GIT2: variants seen among roughly 807,000 people sequenced by gnomAD.
The protein encoded by GIT2 is GIT ArfGAP 2.
In GIT2, 32 loss-of-function variants were observed where a neutral mutation model predicts 100.3. The observed-to-expected ratio is 0.32, with a 90% CI of 0.24 to 0.43. The LOEUF (loss-of-function observed/expected upper bound fraction) is 0.43. Ranked by LOEUF, GIT2 falls within the 20% of genes least tolerant of loss-of-function variation. GIT2 has a pLI of 1.00. For synonymous variants in GIT2, 353 were observed against 364.1 expected (o/e 0.97, Z 0.35); for missense variants, 737 against 975.1 (o/e 0.76, Z 3.25).
intron 12 of GIT2, chr12:109,954,307 A>AG (rs1171070514): frequency 6.6e-6 from 1 of 152,224 alleles, no homozygotes; most frequent in East Asian, 1.9e-4. Flanking sequence ...CAAAAAAAAA[A>AG]AAAAGAATAG....
chr12:109,955,643 G>A lies in GIT2; in HGVS notation c.1100-2409C>T, dbSNP rs143242751. 2.4e-3 allele frequency among the ~76,000 whole-genome samples: 359 copies of A among 152,266 alleles called. 1 individual carries two copies. The highest frequency in any genetic ancestry group is 8.4e-3 in the African/African-American group (347 of 41,542). ...ATGCTTATTTAACACACATTTCTCCGTAGGGCACATCACAGCCTTCTTGCA... is the reference window on the plus strand; with the variant it reads ...ATGCTTATTTAACACACATTTCTCCATAGGGCACATCACAGCCTTCTTGCA... On this transcript the variant is annotated intron_variant, in intron 12 of 19. Coordinates refer to ENST00000355312, the MANE Select transcript of GIT2 (RefSeq NM_057169.5).
rs1872173593 is a variant in GIT2, at chr12:109,933,689, C to A, written c.2067+333G>T. The stretch of plus-strand genomic sequence containing the variant: ...CGATCTTGACTCACTGCAACCTCCG[C>A]CTCCTGGGTTCAAGCGATTCTCCTG... On this transcript the variant is annotated intron_variant, in intron 19 of 19. Coordinates refer to ENST00000355312, the MANE Select transcript of GIT2 (RefSeq NM_057169.5). The surrounding 1 kb of genome is among the most constrained non-coding windows in gnomAD (Gnocchi z 4.5). 1 of 259,272 alleles carries A rather than the reference C, an allele frequency of 3.9e-6. No individual in the cohort carries two copies. The highest frequency in any genetic ancestry group is 7.5e-6 in the Non-Finnish European group (1 of 133,176). 16.1% of individuals were successfully genotyped at this position (259,272 alleles called of 1,614,324 possible).
intron 12 of GIT2, 85 bp from the exon 13 acceptor site, chr12:109,953,319 GC>G: frequency 7.1e-7 from 1 of 1,401,584 alleles, no homozygotes. Context: ...TTTTGGTTTA[GC>G]CATTTAAAGG....
chr12:109,935,793 C>T (rs1872801683), intron 18 of GIT2, among the ~76,000 whole-genome samples: 1 of 152,110 alleles, frequency 6.6e-6, no homozygotes, highest in African/African-American at 2.4e-5. Context: ...TTTCCTAAGG[C>T]CATCTCTCAA....
intron 7 of GIT2, among the ~76,000 whole-genome samples, chr12:109,975,710 G>C (rs1002426427): frequency 1.3e-5 from 2 of 149,502 alleles, no homozygotes; most frequent in African/African-American, 2.5e-5. Context: ...GATGATTTGA[G>C]TAATTTTTAA....
chr12:109,944,372 C>T (rs1875684005), intron 16 of GIT2, among the ~76,000 whole-genome samples: 3 of 152,290 alleles, frequency 2.0e-5, no homozygotes, highest in South Asian at 2.1e-4. Context: ...TTACATTACC[C>T]TTCCATTAAA....
rs75075137 is a variant in GIT2 at position 109,966,285 on chromosome 12, C to CA, written c.765-709_765-708insT. 4.0e-5 allele frequency among the ~76,000 whole-genome samples: 6 copies of CA among 148,904 alleles called. 1 individual carries two copies. In the South Asian group the frequency reaches 8.6e-4, roughly 21 times the overall value. On this transcript the variant is annotated intron_variant, in intron 8 of 19. Coordinates refer to ENST00000355312, the MANE Select transcript of GIT2 (RefSeq NM_057169.5). Reference sequence around the variant, plus strand: ...CTGGGATTACAGGTGTGAGCCACTGCCCTGGCGAGGTCAGGGGTTTGAGAC... The same window carrying CA: ...CTGGGATTACAGGTGTGAGCCACTGCACCTGGCGAGGTCAGGGGTTTGAGAC...
chr12:109,988,967 C>G lies in GIT2; in HGVS notation c.401G>C (p.Ser134Thr). ...DDDSVTAKDL[S>T]KQLHSSVRTG... ...ATTTTAAAAGGTGTGACCCACCTTG[C>G]TAAGATCTTTGGCAGTCACACTATC... Residue 134 changes from serine (S) to threonine (T), a missense_variant, in exon 4 of 20, where the codon AGC becomes ACC. This residue lies in a region of GIT2 where 266 missense variants were observed against 376.2 expected (regional missense o/e 0.71). Transcript: ENST00000355312. The G allele has an allele frequency of 6.3e-7, 1 of 1,579,078 alleles. No homozygotes were observed. Among genetic ancestry groups the G allele is most frequent in the African/African-American group, 1.3e-5 (1 of 74,112 alleles).
rs1297691678 is a variant in GIT2 at position 109,991,607 on chromosome 12, G to A, written c.186+20C>T. The A allele has an allele frequency of 1.3e-6, 2 of 1,597,984 alleles. No homozygotes were observed. The highest frequency in any genetic ancestry group is 2.7e-5 in the African/African-American group (2 of 74,450). On this transcript the variant is annotated intron_variant, in intron 2 of 19. Coordinates refer to ENST00000355312, the MANE Select transcript of GIT2 (RefSeq NM_057169.5). The stretch of plus-strand genomic sequence containing the variant: ...CTAAAATGTAAATTACCAACTGTCA[G>A]GAGAATTCTTATCCTTTACCTGAAG...
chr12:109,961,529 T>C (rs985087335), intron 10 of GIT2, 84 bp downstream of exon 10: 169 of 985,332 alleles, frequency 1.7e-4, no homozygotes, highest in Non-Finnish European at 2.4e-4. Flanking sequence ...ACAGCAGAAA[T>C]TGGACTAGTA....
chr12:109,953,153 C>A lies in GIT2; in HGVS notation c.1181G>T (p.Ser394Ile). The change falls in exon 13 of 20, where the codon AGC becomes ATC. Residue 394 changes from serine to isoleucine, a missense_variant. By Grantham distance (142) the Ser-to-Ile change is moderately radical (BLOSUM62 -2). This residue lies in a region of GIT2 where 451 missense variants were observed against 543.7 expected (regional missense o/e 0.83). Transcript: ENST00000355312. The stretch of plus-strand genomic sequence containing the variant: ...ATCTGTGTCTTCGTCTGATGCCACG[C>A]TGTCATAGTCGGGCTGATCGTTGTC... ...SQDNDQPDYD[S>I]VASDEDTDLE... 6.2e-7 allele frequency: 1 copy of A among 1,614,094 alleles called. No individual in the cohort carries two copies. The highest frequency in any genetic ancestry group is 8.5e-7 in the Non-Finnish European group (1 of 1,179,964).
At chr12:109,956,168 G>C (rs1483885639) in intron 12 of GIT2, among the ~76,000 whole-genome samples, 2 of 152,140 alleles carry the variant, frequency 1.3e-5, no homozygotes, top group East Asian at 3.8e-4. Context: ...CTGACCTCGT[G>C]ATCAGCCCAC....
Position 109,947,493 on chromosome 12 carries a change from G to T in GIT2, c.1404C>A (p.Leu468=). ...LRIMQKKLQT[L]QSENSNLRKQ... ...TCCTGAGGTTCGAATTTTCACTCTG[G>T]AGTGTTTGAAGCTGAAAGAAATGTT... is the stretch of plus-strand genomic sequence containing the variant. Residue 468 remains leucine, a synonymous_variant, in exon 15 of 20, where the codon CTC becomes CTA. Coordinates refer to ENST00000355312, the MANE Select transcript of GIT2 (RefSeq NM_057169.5). This position sits in a 1 kb window ranked among gnomAD's most constrained non-coding sequence, Gnocchi z 4.3. 10 of 1,613,734 alleles carry T rather than the reference G, an allele frequency of 6.2e-6. No homozygotes were observed. The highest frequency in any genetic ancestry group is 8.5e-6 in the Non-Finnish European group (10 of 1,179,756).
At chr12:109,944,041 G>A (rs1203059367) in intron 16 of GIT2, among the ~76,000 whole-genome samples, 5 of 152,072 alleles carry the variant, frequency 3.3e-5, no homozygotes, top group Non-Finnish European at 7.4e-5. Flanking sequence ...GCATGGTGGC[G>A]CATGCCTGTA....
intron 16 of GIT2, chr12:109,942,789 C>T (rs1159656484): frequency 1.3e-5 from 2 of 152,136 alleles, no homozygotes. Flanking sequence ...AATGTTTTTT[C>T]AAGTATGGAA....
rs1565971200 is a variant in GIT2, at chr12:109,961,602, CGTCAA to C, written c.889+6_889+10del. The C allele has an allele frequency of 6.4e-7, 1 of 1,567,518 alleles. No homozygotes were observed. Among genetic ancestry groups the C allele is most frequent in the Admixed American group, 1.7e-5 (1 of 59,962 alleles). On this transcript the variant is annotated splice_donor_region_variant and intron_variant, in intron 10 of 19. Transcript: ENST00000355312. ...AACAGAAGCTTATTAGATAAAGCCACGTCAAGTCACCTGCATCCGTCTCTCGCCTG... is the reference window on the plus strand; with the variant it reads ...AACAGAAGCTTATTAGATAAAGCCACGTCACCTGCATCCGTCTCTCGCCTG...
intron 7 of GIT2, among the ~76,000 whole-genome samples, chr12:109,975,612 C>T (rs1884847046): frequency 6.6e-6 from 1 of 151,886 alleles, no homozygotes; most frequent in South Asian, 2.1e-4. Flanking sequence ...GGACTTAAGT[C>T]TATAATGTTA....
intron 2 of GIT2, among the ~76,000 whole-genome samples, chr12:109,991,404 A>C (rs1365271543): frequency 2.6e-5 from 4 of 152,170 alleles, no homozygotes; most frequent in Non-Finnish European, 5.9e-5. Context: ...ATCTACCTAT[A>C]ATTGAGCTTG....
At chr12:109,955,151 T>C (rs1219231728) in intron 12 of GIT2, among the ~76,000 whole-genome samples, 1 of 152,000 alleles carries the variant, frequency 6.6e-6, no homozygotes, top group Non-Finnish European at 1.5e-5. Flanking sequence ...TGAGACAGAG[T>C]CTCACTCTGT....
Sources: gnomAD v4.1 joint callset for allele counts (sites outside exome capture counted in the v4.1 genomes callset) on GRCh38, gnomAD v4.1.1 for gene constraint, gnomAD v4.1.1 regional missense constraint, Gnocchi (gnomAD v3.1) non-coding constraint, MANE v1.5 for transcripts, NCBI Gene and HGNC (gene_info 2026-07-23, HGNC 2026-07-21) for gene names.